CORO2B: variants seen among roughly 807,000 people sequenced by gnomAD.
CORO2B encodes the protein coronin-2B.
CORO2B carries 26 observed loss-of-function variants against 58.8 expected under a neutral mutation model. The ratio of observed to expected loss-of-function variants is 0.44; its 90% CI spans 0.32 to 0.61. CORO2B has a LOEUF of 0.61. Among genes scored for constraint, CORO2B ranks in the 20% least tolerant of loss-of-function variants. The pLI is 0.04. For missense variants in CORO2B, 460 were observed against 645.1 expected (o/e 0.71, Z 3.11); for synonymous variants, 242 against 253.8 (o/e 0.95, Z 0.44).
chr15:68,574,178 A>G (rs1246064817), upstream of CORO2B, among the ~76,000 whole-genome samples: 1 of 152,220 alleles, frequency 6.6e-6, no homozygotes, highest in African/African-American at 2.4e-5. Context: ...TGGCCCAGCA[A>G]GGGAAAATGC....
intron 11 of CORO2B, among the ~76,000 whole-genome samples, chr15:68,722,071 G>T (rs781707292): frequency 6.6e-6 from 1 of 152,162 alleles, no homozygotes; most frequent in Non-Finnish European, 1.5e-5. Context: ...GTTTTTAAAA[G>T]AACTCTACTC....
the CORO2B span, among the ~76,000 whole-genome samples, chr15:68,540,503 T>TG: frequency 1.3e-5 from 2 of 152,262 alleles, no homozygotes; most frequent in Non-Finnish European, 2.9e-5. Flanking sequence ...TTATCTGTTT[T>TG]TCAAGCAAAA....
intron 1 of CORO2B, among the ~76,000 whole-genome samples, chr15:68,613,744 G>GA (rs1312217388): frequency 6.6e-6 from 1 of 152,174 alleles, no homozygotes; most frequent in Non-Finnish European, 1.5e-5. Context: ...ATTCTACTAA[G>GA]AGGTCTGGCA....
chr15:68,545,107 T>A, the CORO2B span, among the ~76,000 whole-genome samples: 1 of 152,040 alleles, frequency 6.6e-6, no homozygotes, highest in Non-Finnish European at 1.5e-5. Flanking sequence ...TGGGAATCGG[T>A]GTCCATAGAT....
At chr15:68,643,206 C>A (rs1901313039) in intron 1 of CORO2B, among the ~76,000 whole-genome samples, 1 of 152,162 alleles carries the variant, frequency 6.6e-6, no homozygotes, top group African/African-American at 2.4e-5. Flanking sequence ...CCACCTGGGA[C>A]CCCACTTTGG....
chr15:68,558,376 T>C, the CORO2B span, among the ~76,000 whole-genome samples: 1 of 149,034 alleles, frequency 6.7e-6, no homozygotes, highest in African/African-American at 2.5e-5. Context: ...CCCCTCACCA[T>C]TTTTTTTTTA....
chr15:68,629,896 G>A (rs951162116), intron 1 of CORO2B, among the ~76,000 whole-genome samples: 2 of 152,170 alleles, frequency 1.3e-5, no homozygotes, highest in African/African-American at 4.8e-5. Flanking sequence ...ACACCTTGAA[G>A]GAAAAGCACC....
intron 2 of CORO2B, among the ~76,000 whole-genome samples, chr15:68,690,920 G>A (rs1892343563): frequency 7.1e-6 from 1 of 139,990 alleles, no homozygotes; most frequent in Non-Finnish European, 1.6e-5. Flanking sequence ...CTCCCAAAGT[G>A]CCAAGTGGGA....
the CORO2B span, among the ~76,000 whole-genome samples, chr15:68,553,813 A>C: frequency 6.6e-6 from 1 of 152,198 alleles, no homozygotes; most frequent in South Asian, 2.1e-4. Context: ...CTATCAGAGA[A>C]GAGGAAGGAG....
chr15:68,676,387 T>TG (rs1423264763), intron 2 of CORO2B, among the ~76,000 whole-genome samples: 4 of 152,206 alleles, frequency 2.6e-5, no homozygotes, highest in African/African-American at 9.7e-5. Context: ...CCTTAGCCTT[T>TG]AATTTCCGGG....
intron 3 of CORO2B, among the ~76,000 whole-genome samples, chr15:68,700,326 C>T (rs562052477): frequency 6.6e-6 from 1 of 152,182 alleles, no homozygotes; most frequent in Non-Finnish European, 1.5e-5. Context: ...GACCAGTTCC[C>T]CTGGTAGTGC....
chr15:68,725,792 C>T, intron 11 of CORO2B, 51 bp from the exon 12 acceptor site: 1 of 1,606,084 alleles, frequency 6.2e-7, no homozygotes, highest in South Asian at 1.1e-5. Context: ...ATCCTTGTCT[C>T]ACCTGCTCTC....
intron 2 of CORO2B, among the ~76,000 whole-genome samples, chr15:68,678,972 G>A (rs1902679634): frequency 2.6e-5 from 4 of 152,248 alleles, no homozygotes; most frequent in African/African-American, 9.6e-5. Context: ...AGCCCAACTT[G>A]GCTTGACAGT....
the CORO2B span, among the ~76,000 whole-genome samples, chr15:68,526,361 A>T: frequency 2.0e-5 from 3 of 152,224 alleles, no homozygotes; most frequent in African/African-American, 4.8e-5. Flanking sequence ...TGAAGGGGCT[A>T]TACCATTTTA....
intron 1 of CORO2B, among the ~76,000 whole-genome samples, chr15:68,608,410 A>G (rs948196686): frequency 7.2e-5 from 11 of 152,196 alleles, no homozygotes; most frequent in Admixed American, 1.3e-4. Context: ...CCTGAAGGAC[A>G]ACTCCCCTGG....
At chr15:68,618,880 A>G (rs1361781252) in intron 1 of CORO2B, among the ~76,000 whole-genome samples, 2 of 152,212 alleles carry the variant, frequency 1.3e-5, no homozygotes, top group Non-Finnish European at 2.9e-5. Context: ...TGAAAATTTA[A>G]AATTTCATTC....
chr15:68,711,522 C>T lies in CORO2B; in HGVS notation c.484-20C>T, dbSNP rs891700529. The T allele has an allele frequency of 6.2e-7, 1 of 1,604,418 alleles. No homozygotes were observed. The highest frequency in any genetic ancestry group is 8.5e-7 in the Non-Finnish European group (1 of 1,174,044). ...CCCTAGCAGCCACTGACCCTGCCTC[C>T]CATGCATCTGCCCTCGCAGGTCCTC... On this transcript the variant is annotated intron_variant, in intron 4 of 11. Coordinates refer to ENST00000261861, the MANE Select transcript of CORO2B (RefSeq NM_006091.5).
chr15:68,542,230 C>A, the CORO2B span, among the ~76,000 whole-genome samples: 2 of 152,200 alleles, frequency 1.3e-5, no homozygotes, highest in Admixed American at 6.5e-5. Context: ...TTAGGCTGAC[C>A]CATCCTTAAT....
chr15:68,637,985 T>C (rs1901086315), intron 1 of CORO2B, among the ~76,000 whole-genome samples: 1 of 152,172 alleles, frequency 6.6e-6, no homozygotes, highest in Non-Finnish European at 1.5e-5. Context: ...GGAGTGTACA[T>C]AGTGATTATC....
Sources: allele counts gnomAD v4.1 joint callset (sites outside exome capture counted in the v4.1 genomes callset), GRCh38; gene constraint gnomAD v4.1.1; transcripts MANE v1.5; gene names NCBI Gene and HGNC (gene_info 2026-07-23, HGNC 2026-07-21).